The following SRP54 variants were observed in gnomAD, a reference collection of about 807,000 sequenced individuals.
SRP54 encodes the protein signal recognition particle 54, also known as signal recognition particle subunit SRP54.
Under a neutral mutation model 64.8 loss-of-function variants are expected in SRP54, and 10 were observed. The observed-to-expected ratio is 0.15, with a 90% CI of 0.10 to 0.26. The LOEUF (loss-of-function observed/expected upper bound fraction) is 0.26. Among genes scored for constraint, SRP54 ranks in the 10% least tolerant of loss-of-function variants. The pLI is 1.00. For missense variants in SRP54, 325 were observed against 613.7 expected, an observed-to-expected ratio of 0.53 and a Z score of 4.97; for synonymous variants, 193 against 185.6, an observed-to-expected ratio of 1.04 and a Z score of -0.32.
intron 3 of SRP54, among the ~76,000 whole-genome samples, 181 bp from the exon 4 acceptor site, chr14:35,000,755 A>G (rs944151535): frequency 6.6e-6 from 1 of 152,176 alleles, no homozygotes; most frequent in African/African-American, 2.4e-5. Flanking sequence ...CTAATACTTC[A>G]TGGGAAAACT....
intron 2 of SRP54, among the ~76,000 whole-genome samples, chr14:34,999,010 TG>T (rs56708045): frequency 3.7e-4 from 24 of 64,038 alleles, no homozygotes; most frequent in South Asian, 6.2e-4. Context: ...TGTGTGTGTG[TG>T]TGGTTTTTTT....
chr14:35,014,872 C>A lies in SRP54; in HGVS notation c.973+42C>A, dbSNP rs150538494. On this transcript the variant is annotated intron_variant, in intron 11 of 15. Coordinates refer to ENST00000216774, the MANE Select transcript of SRP54 (RefSeq NM_003136.4). ...AAAGCACTTCATCTCAGATTTCTTCCATTGATTTTTTTTATAAAGTTACTA... is the reference window on the plus strand; with the variant it reads ...AAAGCACTTCATCTCAGATTTCTTCAATTGATTTTTTTTATAAAGTTACTA... 3,772 of 1,468,538 alleles carry A rather than the reference C, an allele frequency of 2.6e-3. 13 individuals are homozygous for A. Among genetic ancestry groups the A allele is most frequent in the Middle Eastern group, 0.02 (110 of 5,624 alleles). 91.0% of individuals were successfully genotyped at this position (1,468,538 alleles called of 1,614,324 possible).
intron 7 of SRP54, among the ~76,000 whole-genome samples, 166 bp from the exon 8 acceptor site, chr14:35,011,343 T>G (rs539361841): frequency 2.0e-5 from 3 of 152,348 alleles, no homozygotes; most frequent in Admixed American, 1.3e-4. Context: ...TTCATGCTTT[T>G]TTAGAAGTAG....
At chr14:34,995,203 A>AG (rs1389393454) in intron 1 of SRP54, among the ~76,000 whole-genome samples, 9 of 143,906 alleles carry the variant, frequency 6.3e-5, no homozygotes, top group African/African-American at 2.3e-4. Flanking sequence ...AGAGAGAGGG[A>AG]GAAATGGATA....
intron 10 of SRP54, among the ~76,000 whole-genome samples, 197 bp from the exon 11 acceptor site, chr14:35,014,547 T>C (rs1219712082): frequency 1.3e-5 from 2 of 152,136 alleles, no homozygotes; most frequent in Non-Finnish European, 2.9e-5. Flanking sequence ...CCCAAAGTGC[T>C]GGGATTACAG....
intron 5 of SRP54, among the ~76,000 whole-genome samples, chr14:35,007,869 AAATAGTTTTTTTTAGGATAAG>A (rs1377634234): frequency 6.6e-6 from 1 of 151,014 alleles, no homozygotes; most frequent in Non-Finnish European, 1.5e-5. Flanking sequence ...GTATGTTTTT[AAATAGTTTTTTTTAGGATAAG>A]AGGAGAGGTC....
intron 1 of SRP54, among the ~76,000 whole-genome samples, chr14:34,987,275 G>GTA (rs369480971): frequency 0.2 from 25,607 of 130,752 alleles, 3,105 homozygotes; most frequent in Non-Finnish European, 0.27. Flanking sequence ...GTGTGTGTGT[G>GTA]TATATATATA....
intron 2 of SRP54, 57 bp downstream of exon 2, chr14:34,996,844 A>C: frequency 8.2e-7 from 1 of 1,222,314 alleles, no homozygotes; most frequent in Non-Finnish European, 1.2e-6. Flanking sequence ...AGCATTGGGA[A>C]GATGGCTTAT....
At position 35,003,319 on chromosome 14, in the gene SRP54, C is replaced by T. The variant is rs145618930; in HGVS notation, c.255+2299C>T. On this transcript the variant is annotated intron_variant, in intron 4 of 15. Transcript: ENST00000216774. ...GCACTGAAAACAATGGTAGGTAAAACTCCCTGGTATGAATCAAGGCAGTGG... is the reference window on the plus strand; with the variant it reads ...GCACTGAAAACAATGGTAGGTAAAATTCCCTGGTATGAATCAAGGCAGTGG... Among the ~76,000 whole-genome samples the T allele has an allele frequency of 3.0e-3, 456 of 152,168 alleles. 3 individuals are homozygous for T. Among genetic ancestry groups the T allele is most frequent in the African/African-American group, 0.011 (441 of 41,534 alleles).
At chr14:35,010,084 G>A (rs906422472) in intron 7 of SRP54, among the ~76,000 whole-genome samples, 2 of 151,742 alleles carry the variant, frequency 1.3e-5, no homozygotes, top group Non-Finnish European at 2.9e-5. Context: ...GGAGGCGAAG[G>A]TTGCATTGAG....
At chr14:34,987,286 T>TATATACAC (rs1380238201) in intron 1 of SRP54, among the ~76,000 whole-genome samples, 1 of 100,096 alleles carries the variant, frequency 1.0e-5, no homozygotes, top group East Asian at 5.5e-4. Flanking sequence ...TATATATATA[T>TATATACAC]ACACACACAC....
intron 14 of SRP54, among the ~76,000 whole-genome samples, chr14:35,027,199 T>C (rs1462853550): frequency 2.0e-5 from 3 of 151,816 alleles, no homozygotes; most frequent in African/African-American, 4.8e-5. Context: ...ACTAATTTAT[T>C]TTGTATTGTT....
At chr14:35,012,202 G>A (rs1289604871) in intron 8 of SRP54, among the ~76,000 whole-genome samples, 1 of 115,062 alleles carries the variant, frequency 8.7e-6, no homozygotes. Flanking sequence ...GGCAACAAGA[G>A]CAAAACTCCA....
intron 4 of SRP54, among the ~76,000 whole-genome samples, chr14:35,005,428 A>G (rs911019448): frequency 1.3e-5 from 2 of 152,226 alleles, no homozygotes; most frequent in African/African-American, 4.8e-5. Context: ...ATAACTTTAC[A>G]GCCTGTTGCC....
intron 11 of SRP54, among the ~76,000 whole-genome samples, chr14:35,015,439 C>T (rs2044422996): frequency 1.3e-5 from 2 of 152,174 alleles, no homozygotes; most frequent in South Asian, 2.1e-4. Flanking sequence ...AAATATACCA[C>T]ATTTTCTTTA....
At chr14:34,989,067 T>C (rs900754762) in intron 1 of SRP54, among the ~76,000 whole-genome samples, 1 of 152,184 alleles carries the variant, frequency 6.6e-6, no homozygotes, top group African/African-American at 2.4e-5. Context: ...TCTGAATGTT[T>C]TGATTTGTAG....
intron 2 of SRP54, among the ~76,000 whole-genome samples, chr14:34,997,479 C>G (rs781164645): frequency 1.3e-5 from 2 of 152,200 alleles, no homozygotes; most frequent in Non-Finnish European, 2.9e-5. Context: ...GTTAGTCCCA[C>G]TGTAGCTATT....
chr14:34,991,905 T>C (rs2043986417), intron 1 of SRP54, among the ~76,000 whole-genome samples: 1 of 152,200 alleles, frequency 6.6e-6, no homozygotes, highest in Non-Finnish European at 1.5e-5. Context: ...TTCTTACTCC[T>C]CTACTGAAAT....
chr14:34,997,953 G>A (rs533350081), intron 2 of SRP54, among the ~76,000 whole-genome samples: 23 of 152,198 alleles, frequency 1.5e-4, no homozygotes, highest in Non-Finnish European at 2.8e-4. Flanking sequence ...GAAAGGAAAG[G>A]AAACCAGGGG....
Sources: gnomAD v4.1 joint callset for allele counts (sites outside exome capture counted in the v4.1 genomes callset) on GRCh38, gnomAD v4.1.1 for gene constraint, MANE v1.5 for transcripts, NCBI Gene and HGNC (gene_info 2026-07-23, HGNC 2026-07-21) for gene names.